The following FAT3 variants were observed in gnomAD, a reference collection of about 807,000 sequenced individuals.
The protein encoded by FAT3 is protocadherin Fat 3.
In FAT3, 95 loss-of-function variants were observed where a neutral mutation model predicts 310.2. The observed-to-expected ratio is 0.31, with a 90% CI of 0.26 to 0.36. The LOEUF is 0.36. Among genes scored for constraint, FAT3 ranks in the 10% least tolerant of loss-of-function variants. The probability of loss-of-function intolerance (pLI) is 1.00; values close to 1 mark genes in which losing one functional copy is unlikely to be tolerated. For missense variants in FAT3, 5,408 were observed against 5,715.6 expected (o/e 0.95, Z 1.74); for synonymous variants, 2,314 against 2,192.9 (o/e 1.06, Z -1.54).
Position 92,506,120 on chromosome 11 carries a change from A to T in FAT3, c.3293-18514A>T, listed in dbSNP as rs151312764. Among the ~76,000 whole-genome samples, 460 of 152,276 alleles carry T rather than the reference A, an allele frequency of 3.0e-3. 2 individuals carry two copies. Among genetic ancestry groups the T allele is most frequent in the African/African-American group, 0.011 (444 of 41,566 alleles). On this transcript the variant is annotated intron_variant, in intron 2 of 27. Transcript: ENST00000525166. ...ACCAAAAATTCCCCATAAAACACAC[A>T]GTCCAGAATGGTCTCCTTGAACTCT...
intron 3 of FAT3, among the ~76,000 whole-genome samples, chr11:92,544,884 G>C (rs958564152): frequency 2.0e-5 from 3 of 152,170 alleles, no homozygotes; most frequent in Non-Finnish European, 4.4e-5. Flanking sequence ...ACTTATGTGT[G>C]CCAGACCCTG....
intron 2 of FAT3, among the ~76,000 whole-genome samples, chr11:92,365,312 G>A (rs1012209098): frequency 1.3e-5 from 2 of 151,918 alleles, no homozygotes; most frequent in African/African-American, 2.4e-5. Context: ...AAAGTTTGAG[G>A]TACACACACA....
In FAT3 at chr11:92,524,937, A is replaced by G. The variant is rs113812575; in HGVS notation, c.3596A>G (p.Asn1199Ser). The change falls in exon 3 of 28, where the codon AAT becomes AGT. Residue 1199 changes from asparagine to serine, a missense_variant. By Grantham distance (46) the Asn-to-Ser change is conservative. Transcript: ENST00000525166. The stretch of plus-strand genomic sequence containing the variant: ...AATCCTCAGAATTTTTTTGCCATCA[A>G]TATCAAAACAGGTAAGGGAATGCTT... ...SGNPQNFFAI[N>S]IKTGLITTTS... 8.3e-4 allele frequency: 1,335 copies of G among 1,613,372 alleles called. 9 individuals are homozygous for G. In the African/African-American group the frequency reaches 0.014, roughly 17 times the overall value.
chr11:92,806,687 G>T (rs957982835), intron 12 of FAT3, among the ~76,000 whole-genome samples, 172 bp downstream of exon 12: 1 of 152,154 alleles, frequency 6.6e-6, no homozygotes, highest in Non-Finnish European at 1.5e-5. Context: ...ACTGACCACA[G>T]ACAGATTAAC....
chr11:92,737,255 G>GT (rs1945376867), intron 4 of FAT3, among the ~76,000 whole-genome samples: 1 of 152,142 alleles, frequency 6.6e-6, no homozygotes, highest in African/African-American at 2.4e-5. Flanking sequence ...TGTGACGGAG[G>GT]ATATACCAGC....
chr11:92,756,916 ATT>A (rs34317439), intron 4 of FAT3, among the ~76,000 whole-genome samples: 6 of 90,290 alleles, frequency 6.6e-5, no homozygotes, highest in African/African-American at 4.8e-5. Context: ...TTGTGGCTCC[ATT>A]TTTTTTTTTT....
At chr11:92,746,038 A>G (rs1389980653) in intron 4 of FAT3, among the ~76,000 whole-genome samples, 1 of 152,242 alleles carries the variant, frequency 6.6e-6, no homozygotes, top group Non-Finnish European at 1.5e-5. Flanking sequence ...CCCAAGGCCT[A>G]GGTTCCCTTG....
chr11:92,750,005 A>G (rs935069576), intron 4 of FAT3, among the ~76,000 whole-genome samples: 1 of 152,228 alleles, frequency 6.6e-6, no homozygotes, highest in South Asian at 2.1e-4. Flanking sequence ...GGAAAAGCTA[A>G]TCCCAGCCAG....
intron 3 of FAT3, among the ~76,000 whole-genome samples, chr11:92,533,943 A>G (rs928495109): frequency 6.6e-6 from 1 of 152,232 alleles, no homozygotes; most frequent in Non-Finnish European, 1.5e-5. Context: ...TATGTGTTAA[A>G]AAAAAGAGAG....
intron 2 of FAT3, among the ~76,000 whole-genome samples, chr11:92,376,257 G>C (rs1409031333): frequency 6.6e-6 from 1 of 152,186 alleles, no homozygotes; most frequent in East Asian, 1.9e-4. Context: ...GATGGGGAAA[G>C]AGAGGCTTCT....
At chr11:92,881,163 G>T (rs1949662956) in intron 23 of FAT3, among the ~76,000 whole-genome samples, 1 of 152,150 alleles carries the variant, frequency 6.6e-6, no homozygotes, top group Admixed American at 6.5e-5. Flanking sequence ...AGGGAGAAAA[G>T]AAAGTCATCT....
chr11:92,796,864 A>T (rs1457709107), intron 9 of FAT3, among the ~76,000 whole-genome samples: 1 of 152,130 alleles, frequency 6.6e-6, no homozygotes, highest in Non-Finnish European at 1.5e-5. Context: ...GAACCACAAC[A>T]TGTTTCTGAA....
chr11:92,489,862 G>T (rs1333587400), intron 2 of FAT3, among the ~76,000 whole-genome samples: 1 of 151,088 alleles, frequency 6.6e-6, no homozygotes, highest in African/African-American at 2.4e-5. Context: ...AAAGTTAAAT[G>T]AGTTTTCGTA....
intron 1 of FAT3, chr11:92,336,193 C>T (rs1948073432): frequency 1.8e-6 from 1 of 567,626 alleles, no homozygotes; most frequent in African/African-American, 1.9e-5. Flanking sequence ...AAGGTGCTGC[C>T]AAGGACCGGG....
At chr11:92,431,703 G>A (rs1950784693) in intron 2 of FAT3, among the ~76,000 whole-genome samples, 1 of 151,976 alleles carries the variant, frequency 6.6e-6, no homozygotes, top group South Asian at 2.1e-4. Flanking sequence ...GTATAAGGAA[G>A]GGATCCGGTT....
intron 2 of FAT3, chr11:92,498,508 G>C (rs1443556741): frequency 6.5e-6 from 1 of 154,728 alleles, no homozygotes; most frequent in African/African-American, 2.4e-5. Flanking sequence ...CACATTTTTA[G>C]TAAAACTGAC....
At chr11:92,411,810 C>T (rs1458206072) in intron 2 of FAT3, among the ~76,000 whole-genome samples, 1 of 151,952 alleles carries the variant, frequency 6.6e-6, no homozygotes, top group Non-Finnish European at 1.5e-5. Flanking sequence ...TGTTTGCATT[C>T]TCGGTGGAAT....
chr11:92,416,086 A>AC (rs2134953550), intron 2 of FAT3, among the ~76,000 whole-genome samples: 1 of 149,584 alleles, frequency 6.7e-6, no homozygotes, highest in Non-Finnish European at 1.5e-5. Flanking sequence ...AAAAAAAAAA[A>AC]AAAAAAAAGT....
At chr11:92,855,550 A>G (rs1272432475) in intron 19 of FAT3, among the ~76,000 whole-genome samples, 1 of 152,224 alleles carries the variant, frequency 6.6e-6, no homozygotes, top group Non-Finnish European at 1.5e-5. Flanking sequence ...GAATAAATGC[A>G]CCAAAAGTTA....
Sources: gnomAD v4.1 joint callset for allele counts (sites outside exome capture counted in the v4.1 genomes callset) on GRCh38, gnomAD v4.1.1 for gene constraint, MANE v1.5 for transcripts, NCBI Gene and HGNC (gene_info 2026-07-23, HGNC 2026-07-21) for gene names.